Variants in TRDN observed in about 807,000 individuals in gnomAD.
TRDN encodes triadin in skeletal muscle.
Under a neutral mutation model 149.7 loss-of-function variants are expected in TRDN, and 161 were observed. The ratio of observed to expected loss-of-function variants is 1.08; its 90% confidence interval spans 0.95 to 1.23. TRDN has a LOEUF of 1.23. TRDN is among the 50% of genes most tolerant of loss of function. TRDN has a pLI of 0.00. For missense variants in TRDN, 896 were observed against 823.5 expected, an observed-to-expected ratio of 1.09 and a Z score of -1.08; for synonymous variants, 294 against 250.5, an observed-to-expected ratio of 1.17 and a Z score of -1.64.
Position 123,311,215 on chromosome 6 carries a change from G to A in TRDN, c.1510+5242C>T, listed in dbSNP as rs556228719. Among the ~76,000 whole-genome samples, 16 of 152,010 alleles carry A rather than the reference G, an allele frequency of 1.1e-4. 1 individual carries two copies. Among genetic ancestry groups the A allele is most frequent in the Admixed American group, 1.1e-3 (16 of 15,224 alleles). On this transcript the variant is annotated intron_variant, in intron 24 of 40. Coordinates refer to ENST00000334268, the MANE Select transcript of TRDN (RefSeq NM_006073.4). ...ATTTTACGTGGCAGCAGACAAGAGG[G>A]AGCAAGTGTGAAAAAAGAACTGCCA...
At chr6:123,613,080 G>T (rs537244549) in intron 1 of TRDN, among the ~76,000 whole-genome samples, 1 of 152,048 alleles carries the variant, frequency 6.6e-6, no homozygotes, top group African/African-American at 2.4e-5. Context: ...AGTACATTTG[G>T]TTAATGACCT....
chr6:123,350,416 TAAAC>T, intron 21 of TRDN: 1 of 644,524 alleles, frequency 1.6e-6, no homozygotes, highest in Non-Finnish European at 1.9e-6. Context: ...TCCACATGTT[TAAAC>T]AAATAAATAA....
In TRDN at chr6:123,464,896, A is replaced by T. The variant is rs754118635; in HGVS notation, c.931+10T>A. The T allele has an allele frequency of 6.4e-6, 10 of 1,567,450 alleles. No individual in the cohort carries two copies. The highest frequency in any genetic ancestry group is 5.7e-5 in the Admixed American group (3 of 52,604). ...CAATAGAGATCTTTAAGAAAAAAAA[A>T]AGTACTTGCCTTCAAGGGCAGGTGA... On this transcript the variant is annotated intron_variant, in intron 10 of 40. Transcript: ENST00000334268.
intron 23 of TRDN, among the ~76,000 whole-genome samples, chr6:123,322,928 C>G (rs1035848905): frequency 6.6e-6 from 1 of 152,048 alleles, no homozygotes; most frequent in Non-Finnish European, 1.5e-5. Flanking sequence ...CATAAGCCAC[C>G]GCGCTTGGCC....
chr6:123,472,264 G>C (rs35018269), intron 9 of TRDN, among the ~76,000 whole-genome samples: 25,455 of 152,158 alleles, frequency 0.17, 2,315 homozygotes, highest in South Asian at 0.3. Context: ...CATTGCCTCA[G>C]TCGGGAAGTG....
intron 20 of TRDN, among the ~76,000 whole-genome samples, chr6:123,365,322 A>T (rs1379026443): frequency 2.0e-5 from 3 of 150,720 alleles, no homozygotes; most frequent in African/African-American, 7.5e-5. Context: ...TAGAGTAGCT[A>T]ACATTAATTT....
chr6:123,365,857 T>A (rs1481113217), intron 20 of TRDN, among the ~76,000 whole-genome samples: 3 of 152,252 alleles, frequency 2.0e-5, no homozygotes. Flanking sequence ...ATGATGGGGA[T>A]CCTATGGAGT....
chr6:123,592,155 T>C (rs565096866), intron 1 of TRDN, among the ~76,000 whole-genome samples: 1 of 152,212 alleles, frequency 6.6e-6, no homozygotes, highest in Non-Finnish European at 1.5e-5. Context: ...ATGCCACTCA[T>C]TGGCAACTAA....
chr6:123,378,653 G>A (rs750360672), intron 16 of TRDN, among the ~76,000 whole-genome samples: 1 of 152,100 alleles, frequency 6.6e-6, no homozygotes, highest in Non-Finnish European at 1.5e-5. Flanking sequence ...TCAGAAAGAT[G>A]AAGATTAGCA....
At chr6:123,587,411 A>C (rs1410983988) in intron 1 of TRDN, among the ~76,000 whole-genome samples, 1 of 152,162 alleles carries the variant, frequency 6.6e-6, no homozygotes, top group Non-Finnish European at 1.5e-5. Context: ...AAAGTGGTTG[A>C]GGGACAGTGA....
intron 11 of TRDN, 141 bp downstream of exon 11, chr6:123,438,803 G>T: frequency 3.6e-6 from 2 of 550,800 alleles, no homozygotes; most frequent in South Asian, 8.0e-5. Flanking sequence ...GGAATATCTA[G>T]ACATGTTAAG....
At chr6:123,433,217 T>C (rs1289765968) in intron 12 of TRDN, among the ~76,000 whole-genome samples, 2 of 146,302 alleles carry the variant, frequency 1.4e-5, no homozygotes, top group African/African-American at 5.0e-5. Flanking sequence ...AATGGCTGAG[T>C]CCTTTCAATA....
intron 37 of TRDN, among the ~76,000 whole-genome samples, chr6:123,252,745 C>T (rs1243450660): frequency 2.0e-5 from 3 of 152,018 alleles, no homozygotes; most frequent in African/African-American, 2.4e-5. Flanking sequence ...CTCTGCCTCC[C>T]GAGTAGCTGG....
At chr6:123,326,910 C>T (rs1400995481) in intron 23 of TRDN, among the ~76,000 whole-genome samples, 3 of 151,886 alleles carry the variant, frequency 2.0e-5, no homozygotes, top group Admixed American at 6.6e-5. Context: ...ATATGCATTG[C>T]AATATATTTT....
In TRDN at chr6:123,331,872, A is replaced by G; in HGVS notation, c.1471+7T>C. On this transcript the variant is annotated splice_region_variant and intron_variant, in intron 23 of 40. Coordinates refer to ENST00000334268, the MANE Select transcript of TRDN (RefSeq NM_006073.4). ...ATGTGGCTTCACATTTCATTGTATA[A>G]TATTACCTTTTTCCTTTAGGGAAGC... is the stretch of plus-strand genomic sequence containing the variant. 2 of 1,533,436 alleles carry G rather than the reference A, an allele frequency of 1.3e-6. No homozygotes were observed. The highest frequency in any genetic ancestry group is 1.4e-5 in the African/African-American group (1 of 72,934). 95.0% of individuals were successfully genotyped at this position (1,533,436 alleles called of 1,614,324 possible).
intron 22 of TRDN, among the ~76,000 whole-genome samples, chr6:123,332,930 C>A (rs958409686): frequency 6.6e-6 from 1 of 151,870 alleles, no homozygotes; most frequent in African/African-American, 2.4e-5. Context: ...ATTTTCTTGT[C>A]GGGTAAGCTG....
rs1005064480 is a variant in TRDN at position 123,275,590 on chromosome 6, T to C, written c.1568-920A>G. 2.4e-4 allele frequency among the ~76,000 whole-genome samples: 36 copies of C among 152,306 alleles called. 1 individual carries two copies. Among genetic ancestry groups the C allele is most frequent in the African/African-American group, 8.4e-4 (35 of 41,574 alleles). On this transcript the variant is annotated intron_variant, in intron 26 of 40. Transcript: ENST00000334268. ...TATTGTAGCCATCCAAGGAAACTAA[T>C]CAATTTTGGTTTAGGAACATAGGTG...
intron 21 of TRDN, among the ~76,000 whole-genome samples, chr6:123,338,721 C>T (rs770124985): frequency 6.6e-6 from 1 of 152,144 alleles, no homozygotes; most frequent in Non-Finnish European, 1.5e-5. Flanking sequence ...TGATGAACAA[C>T]ATGAAATCAG....
Position 123,339,602 on chromosome 6 carries a change from A to G in TRDN, c.1370-1933T>C, listed in dbSNP as rs1779996332. Among the ~76,000 whole-genome samples, 5 of 152,310 alleles carry G rather than the reference A, an allele frequency of 3.3e-5. No homozygotes were observed. In the South Asian group the frequency reaches 1.0e-3, roughly 32 times the overall value. The stretch of plus-strand genomic sequence containing the variant: ...CTTATAAATGAAAACTATCAATATA[A>G]CTAGTAGCTTGTTTTTTCAAAGGCC... On this transcript the variant is annotated intron_variant, in intron 21 of 40. Transcript: ENST00000334268.
Sources: allele counts gnomAD v4.1 joint callset (sites outside exome capture counted in the v4.1 genomes callset), GRCh38; gene constraint gnomAD v4.1.1; transcripts MANE v1.5; gene names NCBI Gene and HGNC (gene_info 2026-07-23, HGNC 2026-07-21).